The following PARD3 variants were observed in gnomAD, a reference collection of about 807,000 sequenced individuals.
The protein encoded by PARD3 is par-3 family cell polarity regulator.
A neutral mutation model predicts 155.4 loss-of-function variants in PARD3; 75 were observed. The ratio of observed to expected loss-of-function variants is 0.48; its 90% CI spans 0.40 to 0.58. PARD3 has a LOEUF of 0.58. PARD3 is among the 20% of genes least tolerant of loss of function. The probability of loss-of-function intolerance (pLI) is 0.00; values close to 1 mark genes in which losing one functional copy is unlikely to be tolerated. For synonymous variants in PARD3, 576 were observed against 610.5 expected, an observed-to-expected ratio of 0.94 and a Z score of 0.83; for missense variants, 1,642 against 1,721.7, an observed-to-expected ratio of 0.95 and a Z score of 0.82.
chr10:34,227,819 AAT>A (rs1298907711), intron 22 of PARD3, among the ~76,000 whole-genome samples: 10 of 130,750 alleles, frequency 7.6e-5, no homozygotes, highest in East Asian at 6.2e-4. Context: ...CATTACTGGG[AAT>A]ATATATATAT....
At chr10:34,314,810 C>T (rs1341380148) in intron 20 of PARD3, among the ~76,000 whole-genome samples, 1 of 152,144 alleles carries the variant, frequency 6.6e-6, no homozygotes, top group Admixed American at 6.6e-5. Flanking sequence ...GGAAGTGATG[C>T]ATTTCAAGTA....
At chr10:34,768,096 T>C (rs28494586) in intron 1 of PARD3, among the ~76,000 whole-genome samples, 3,599 of 152,288 alleles carry the variant, frequency 0.024, 147 homozygotes, top group African/African-American at 0.083. Context: ...TAGACTTCAG[T>C]GCTCTAAGGA....
chr10:34,413,142 TATACAC>T (rs967165524), intron 5 of PARD3, among the ~76,000 whole-genome samples: 23 of 132,550 alleles, frequency 1.7e-4, no homozygotes, highest in African/African-American at 3.6e-4. Flanking sequence ...TTCAGATATA[TATACAC>T]ACACACACAC....
intron 12 of PARD3, among the ~76,000 whole-genome samples, chr10:34,366,249 A>T (rs1349426100): frequency 2.0e-5 from 3 of 152,202 alleles, no homozygotes; most frequent in Non-Finnish European, 4.4e-5. Flanking sequence ...GTATCCCATA[A>T]ATTAGATAAG....
intron 14 of PARD3, among the ~76,000 whole-genome samples, chr10:34,354,968 G>A (rs1309946200): frequency 6.6e-6 from 1 of 152,228 alleles, no homozygotes; most frequent in African/African-American, 2.4e-5. Context: ...GGGAGCTGCA[G>A]CAGTGCGCCT....
chr10:34,355,931 A>AC (rs1445450384), intron 14 of PARD3, among the ~76,000 whole-genome samples: 1 of 115,412 alleles, frequency 8.7e-6, no homozygotes, highest in Non-Finnish European at 1.7e-5. Context: ...TCTCAAAAAA[A>AC]AAAAAAAAAA....
intron 2 of PARD3, among the ~76,000 whole-genome samples, chr10:34,591,216 T>C (rs377133143): frequency 6.6e-6 from 1 of 152,098 alleles, no homozygotes; most frequent in African/African-American, 2.4e-5. Flanking sequence ...AGCCTGGACC[T>C]GCTTGCCAAT....
At chr10:34,441,750 A>T (rs1347731078) in intron 5 of PARD3, among the ~76,000 whole-genome samples, 3 of 152,216 alleles carry the variant, frequency 2.0e-5, no homozygotes, top group African/African-American at 7.2e-5. Context: ...ATGGAAAATA[A>T]TGTGTCCCAT....
chr10:34,318,666 T>A (rs1379971976), intron 19 of PARD3, among the ~76,000 whole-genome samples: 2 of 152,240 alleles, frequency 1.3e-5, no homozygotes, highest in Non-Finnish European at 2.9e-5. Context: ...AAAGAGACTA[T>A]CAAATGGTGG....
intron 3 of PARD3, among the ~76,000 whole-genome samples, chr10:34,493,203 C>G (rs2080035247): frequency 6.6e-6 from 1 of 152,130 alleles, no homozygotes; most frequent in South Asian, 2.1e-4. Flanking sequence ...TAGTACAATG[C>G]AAGACATGCA....
intron 22 of PARD3, among the ~76,000 whole-genome samples, chr10:34,214,669 A>C (rs1303927090): frequency 6.6e-6 from 1 of 152,120 alleles, no homozygotes; most frequent in Non-Finnish European, 1.5e-5. Context: ...ATAAAAAAAA[A>C]TATATTATTT....
chr10:34,273,604 G>C (rs1955737673), intron 21 of PARD3, among the ~76,000 whole-genome samples: 3 of 152,252 alleles, frequency 2.0e-5, no homozygotes, highest in Admixed American at 2.0e-4. Context: ...CGAATTTCCT[G>C]GTTTTGATGC....
At chr10:34,787,551 G>A (rs2134217330) in intron 1 of PARD3, among the ~76,000 whole-genome samples, 2 of 152,288 alleles carry the variant, frequency 1.3e-5, no homozygotes, top group South Asian at 4.2e-4. Context: ...TAAGGCTGCA[G>A]AGCATTTGAG....
intron 3 of PARD3, among the ~76,000 whole-genome samples, chr10:34,501,815 G>A (rs1329922263): frequency 7.3e-5 from 11 of 150,870 alleles, no homozygotes. Flanking sequence ...TTAAGGTAAA[G>A]ACCTTGGCAT....
At chr10:34,678,405 T>C (rs1564496058) in intron 2 of PARD3, among the ~76,000 whole-genome samples, 1 of 152,230 alleles carries the variant, frequency 6.6e-6, no homozygotes, top group Non-Finnish European at 1.5e-5. Flanking sequence ...ATATTTTTAA[T>C]TCTGAACAAT....
At chr10:34,617,721 A>C (rs1001450604) in intron 2 of PARD3, among the ~76,000 whole-genome samples, 1 of 152,256 alleles carries the variant, frequency 6.6e-6, no homozygotes, top group Non-Finnish European at 1.5e-5. Context: ...AAGCACACAC[A>C]GACTGAAGGC....
chr10:34,591,362 A>T (rs1258525839), intron 2 of PARD3, among the ~76,000 whole-genome samples: 1 of 152,146 alleles, frequency 6.6e-6, no homozygotes, highest in Admixed American at 6.6e-5. Flanking sequence ...TGGGTAAGGA[A>T]AACAGATACA....
At chr10:34,402,234 GTA>G (rs1843963449) in intron 5 of PARD3, among the ~76,000 whole-genome samples, 1 of 152,070 alleles carries the variant, frequency 6.6e-6, no homozygotes, top group African/African-American at 2.4e-5. Context: ...TTCTTTTCAT[GTA>G]TATTTTAGGA....
In PARD3 at chr10:34,489,531, T is replaced by C. The variant is rs1589757202; in HGVS notation, c.404-19268A>G. Among the ~76,000 whole-genome samples the C allele has an allele frequency of 2.6e-5, 4 of 152,356 alleles. No individual in the cohort carries two copies. In the South Asian group the frequency reaches 8.3e-4, roughly 32 times the overall value. ...AAATTAATTCCTTACCACACAACCC[T>C]GTACACACTGGCGATTAATAAAGCC... On this transcript the variant is annotated intron_variant, in intron 3 of 24. Coordinates refer to ENST00000374788, the MANE Select transcript of PARD3 (RefSeq NM_001184785.2).
Sources: allele counts gnomAD v4.1 joint callset (sites outside exome capture counted in the v4.1 genomes callset), GRCh38; gene constraint gnomAD v4.1.1; transcripts MANE v1.5; gene names NCBI Gene and HGNC (gene_info 2026-07-23, HGNC 2026-07-21).